WDR72: variants seen among roughly 807,000 people sequenced by gnomAD.
WDR72 encodes the protein WD repeat-containing protein 72.
In WDR72, 120 loss-of-function variants were observed where a neutral mutation model predicts 124.2. The observed-to-expected ratio is 0.97, with a 90% CI of 0.83 to 1.12. WDR72 has a LOEUF of 1.12. Among genes scored for constraint, WDR72 ranks in the 50% most tolerant of loss-of-function variants. The pLI is 0.00. For synonymous variants in WDR72, 452 were observed against 441.7 expected (o/e 1.02, Z -0.29); for missense variants, 1,387 against 1,278.8 (o/e 1.08, Z -1.29).
intron 13 of WDR72, among the ~76,000 whole-genome samples, chr15:53,681,119 A>G (rs2016366880): frequency 6.6e-6 from 1 of 152,238 alleles, no homozygotes; most frequent in African/African-American, 2.4e-5. Flanking sequence ...TGATACAGTC[A>G]GATGAATCAA....
chr15:53,642,320 T>C (rs1371129821), intron 14 of WDR72, among the ~76,000 whole-genome samples: 1 of 151,998 alleles, frequency 6.6e-6, no homozygotes, highest in East Asian at 1.9e-4. Context: ...CTAACCAGGG[T>C]AGATCTTTAT....
chr15:53,660,283 T>G (rs142487780), intron 14 of WDR72, among the ~76,000 whole-genome samples: 1 of 152,108 alleles, frequency 6.6e-6, no homozygotes, highest in African/African-American at 2.4e-5. Context: ...CATGGTAACA[T>G]GTAGTATTGC....
chr15:53,556,314 T>C (rs1187552542), intron 18 of WDR72, among the ~76,000 whole-genome samples: 1 of 152,164 alleles, frequency 6.6e-6, no homozygotes, highest in African/African-American at 2.4e-5. Flanking sequence ...AGTTAGAGTA[T>C]TGTTAGAACT....
In WDR72 at chr15:53,615,834, GTGAGAC is replaced by G; in HGVS notation, c.2366_2371del (p.Ser789_Leu790del). On this transcript the variant is annotated inframe_deletion, in exon 15 of 20. Transcript: ENST00000360509. ...CAGAAACAATTTTGCTGTGTCTATT[GTGAGAC>G]TGGCATCTACTTTTCTTGATGGCTT... 1.2e-6 allele frequency: 2 copies of G among 1,613,598 alleles called. No homozygotes were observed. Among genetic ancestry groups the G allele is most frequent in the Non-Finnish European group, 1.7e-6 (2 of 1,179,658 alleles).
intron 13 of WDR72, among the ~76,000 whole-genome samples, chr15:53,669,427 T>A (rs1488343942): frequency 6.6e-6 from 1 of 152,142 alleles, no homozygotes; most frequent in Non-Finnish European, 1.5e-5. Context: ...CTATCTCAAG[T>A]TCTAGGGCTA....
intron 9 of WDR72, among the ~76,000 whole-genome samples, chr15:53,709,479 A>G (rs1595865683): frequency 6.6e-6 from 1 of 152,320 alleles, no homozygotes; most frequent in East Asian, 1.9e-4. Context: ...CCTCATGGTT[A>G]TACATAACAT....
intron 1 of WDR72, among the ~76,000 whole-genome samples, chr15:53,736,002 C>A: frequency 6.6e-6 from 1 of 151,568 alleles, no homozygotes; most frequent in Non-Finnish European, 1.5e-5. Context: ...GAATAATTAA[C>A]TTGAATACAA....
chr15:53,660,913 G>C (rs530732325), intron 14 of WDR72, among the ~76,000 whole-genome samples: 1 of 152,192 alleles, frequency 6.6e-6, no homozygotes, highest in Non-Finnish European at 1.5e-5. Flanking sequence ...GGAGGGAAAA[G>C]GGAGGTGTTG....
At chr15:53,555,138 G>C (rs1893878202) in intron 18 of WDR72, among the ~76,000 whole-genome samples, 1 of 151,940 alleles carries the variant, frequency 6.6e-6, no homozygotes, top group Non-Finnish European at 1.5e-5. Context: ...GAATAGCAGG[G>C]CTGGTACTTA....
chr15:53,743,612 C>T (rs1356269721), intron 1 of WDR72, among the ~76,000 whole-genome samples: 1 of 152,154 alleles, frequency 6.6e-6, no homozygotes, highest in African/African-American at 2.4e-5. Context: ...ATGCAATGTT[C>T]CAAATCATTA....
chr15:53,680,061 T>C (rs2016325311), intron 13 of WDR72, among the ~76,000 whole-genome samples: 1 of 152,158 alleles, frequency 6.6e-6, no homozygotes, highest in African/African-American at 2.4e-5. Context: ...TTTTCAGAGA[T>C]TTTTAGATTT....
chr15:53,752,918 G>A (rs1237907942), intron 1 of WDR72, among the ~76,000 whole-genome samples: 1 of 151,900 alleles, frequency 6.6e-6, no homozygotes, highest in African/African-American at 2.4e-5. Flanking sequence ...TTAGTATCTA[G>A]TAAAGCCCTA....
At chr15:53,740,274 ATTCTT>A (rs1042084496) in intron 1 of WDR72, among the ~76,000 whole-genome samples, 33 of 150,906 alleles carry the variant, frequency 2.2e-4, no homozygotes, top group African/African-American at 8.0e-4. Flanking sequence ...AGCAGAAAAT[ATTCTT>A]TTCTACTGAA....
At chr15:53,577,633 C>T (rs1418491105) in intron 18 of WDR72, among the ~76,000 whole-genome samples, 4 of 152,192 alleles carry the variant, frequency 2.6e-5, no homozygotes, top group South Asian at 2.1e-4. Flanking sequence ...TTTATCCTCA[C>T]GGATGCATCT....
chr15:53,605,071 A>G (rs1454246455), intron 17 of WDR72, among the ~76,000 whole-genome samples: 3 of 152,236 alleles, frequency 2.0e-5, no homozygotes, highest in Non-Finnish European at 4.4e-5. Flanking sequence ...CACAATAACA[A>G]AGACATGGAA....
chr15:53,721,567 T>G (rs956405332), intron 3 of WDR72, among the ~76,000 whole-genome samples: 2 of 152,180 alleles, frequency 1.3e-5, no homozygotes, highest in African/African-American at 4.8e-5. Flanking sequence ...CCTCTAAATA[T>G]TACAATTAAT....
At chr15:53,678,489 C>T (rs1595842222) in intron 13 of WDR72, among the ~76,000 whole-genome samples, 1 of 152,096 alleles carries the variant, frequency 6.6e-6, no homozygotes, top group Admixed American at 6.6e-5. Flanking sequence ...AGCATTCTAC[C>T]CTATCCCTTC....
intron 13 of WDR72, among the ~76,000 whole-genome samples, 171 bp downstream of exon 13, chr15:53,699,579 C>A (rs112595614): frequency 6.6e-6 from 1 of 152,138 alleles, no homozygotes; most frequent in African/African-American, 2.4e-5. Context: ...TGACTTAGGC[C>A]GTTGTGTTTA....
At position 53,517,519 on chromosome 15, in the gene WDR72, T is replaced by C. The variant is rs1464876987; in HGVS notation, c.*180A>G. 5 of 663,972 alleles carry C rather than the reference T, an allele frequency of 7.5e-6. No individual in the cohort carries two copies. Among genetic ancestry groups the C allele is most frequent in the East Asian group, 5.6e-5 (2 of 35,720 alleles). 41.1% of individuals were successfully genotyped at this position (663,972 alleles called of 1,614,324 possible). ...TATGAATATTTTCAATCAGTATGTA[T>C]TGCATTGTAATCAGCATGTATTAAA... is the stretch of plus-strand genomic sequence containing the variant. On this transcript the variant is annotated 3_prime_UTR_variant, in exon 20 of 20. Transcript: ENST00000360509.
Sources: allele counts gnomAD v4.1 joint callset (sites outside exome capture counted in the v4.1 genomes callset), GRCh38; gene constraint gnomAD v4.1.1; transcripts MANE v1.5; gene names NCBI Gene and HGNC (gene_info 2026-07-23, HGNC 2026-07-21).